Variants in AMOT observed in about 807,000 individuals in gnomAD.
AMOT encodes angiomotin.
Under a neutral mutation model 67.0 loss-of-function variants are expected in AMOT, and 11 were observed. The ratio of observed to expected loss-of-function variants is 0.16; its 90% CI spans 0.10 to 0.27. The LOEUF is 0.27. Among genes scored for constraint, AMOT ranks in the 10% least tolerant of loss-of-function variants. The probability of loss-of-function intolerance (pLI) is 1.00; values close to 1 mark genes in which losing one functional copy is unlikely to be tolerated. For synonymous variants in AMOT, 326 were observed against 321.4 expected (o/e 1.01, Z -0.15); for missense variants, 753 against 852.0 (o/e 0.88, Z 1.45).
At chrX:112,828,368 G>A (rs775785979) in intron 2 of AMOT, among the ~76,000 whole-genome samples, 50 of 102,968 alleles carry the variant, frequency 4.9e-4, no homozygotes, top group Non-Finnish European at 4.1e-4. Flanking sequence ...GCAAAATAGG[G>A]ATAATGGTGT....
At chrX:112,787,293 A>G (rs1349590035) in intron 10 of AMOT, among the ~76,000 whole-genome samples, 1 of 111,648 alleles carries the variant, frequency 9.0e-6, no homozygotes, top group East Asian at 2.8e-4. Flanking sequence ...AAACGACCCC[A>G]ATATGCATAT....
rs1043055027 is a variant in AMOT at position 112,823,075 on chromosome X, A to C, written c.52T>G (p.Leu18Val). 1 of 1,165,397 alleles carries C rather than the reference A, an allele frequency of 8.6e-7. No individual in the cohort carries two copies. Among genetic ancestry groups the C allele is most frequent in the African/African-American group, 1.8e-5 (1 of 55,535 alleles). Reference protein sequence around the residue: ...PSGGTTVLQRLLQEQLRYGNP... With the variant: ...PSGGTTVLQRVLQEQLRYGNP... Reference sequence around the variant, plus strand: ...CCATAGCGAAGCTGCTCTTGTAGCAAACGCTGCAATACCGTGGTCCCTCCA... The same window carrying C: ...CCATAGCGAAGCTGCTCTTGTAGCACACGCTGCAATACCGTGGTCCCTCCA... Residue 18 changes from leucine (L) to valine (V), a missense_variant, in exon 4 of 14, where the codon TTG becomes GTG. Around this residue, in one of 5 missense-constraint regions of AMOT, gnomAD observed 118 missense variants for 125.9 expected, o/e 0.94. Transcript: ENST00000371959.
chrX:112,831,846 C>T (rs954155532), intron 2 of AMOT, among the ~76,000 whole-genome samples: 1 of 109,189 alleles, frequency 9.2e-6, no homozygotes, highest in Non-Finnish European at 1.9e-5. Context: ...AAAAAAAGAT[C>T]ATTCAAGGGT....
chrX:112,792,785 C>T (rs903921466), intron 8 of AMOT, among the ~76,000 whole-genome samples: 4 of 111,321 alleles, frequency 3.6e-5, no homozygotes, highest in African/African-American at 1.3e-4. Flanking sequence ...ATTAATGACT[C>T]AAAAGTGAAA....
At position 112,778,461 on chromosome X, in the gene AMOT, C is replaced by A; in HGVS notation, c.*106G>T. On this transcript the variant is annotated 3_prime_UTR_variant, in exon 14 of 14. Coordinates refer to ENST00000371959, the MANE Select transcript of AMOT (RefSeq NM_001113490.2). ...AATAAAAAGTCCTGTTAAAAAACAT[C>A]CCCTCCCCACAACCCTTGTCCTCAC... is the stretch of plus-strand genomic sequence containing the variant. 1 of 696,122 alleles carries A rather than the reference C, an allele frequency of 1.4e-6. No homozygotes were observed. The highest frequency in any genetic ancestry group is 2.1e-5 in the African/African-American group (1 of 46,784). 57.4% of individuals were successfully genotyped at this position (696,122 alleles called of 1,213,427 possible). A position where few individuals can be genotyped will look rare whatever the true frequency, so the allele number is the denominator to read the frequency against.
intron 7 of AMOT, among the ~76,000 whole-genome samples, chrX:112,808,391 G>C (rs1934255102): frequency 9.0e-6 from 1 of 111,279 alleles, no homozygotes; most frequent in South Asian, 3.8e-4. Context: ...GGTTTCTCTA[G>C]GATTCCTGCA....
At chrX:112,795,238 G>GTC (rs1200497149) in intron 8 of AMOT, among the ~76,000 whole-genome samples, 299 of 93,812 alleles carry the variant, frequency 3.2e-3, no homozygotes, top group East Asian at 3.9e-3. Context: ...CTCTTTCTCT[G>GTC]TCTCTCTCTC....
intron 2 of AMOT, among the ~76,000 whole-genome samples, chrX:112,825,916 C>G (rs1311846377): frequency 9.2e-6 from 1 of 108,973 alleles, no homozygotes; most frequent in African/African-American, 3.3e-5. Flanking sequence ...GGAAAGTAGA[C>G]TGCCCTTCCC....
chrX:112,804,459 G>C (rs1294960321), intron 8 of AMOT, among the ~76,000 whole-genome samples: 1 of 111,542 alleles, frequency 9.0e-6, no homozygotes, highest in African/African-American at 3.3e-5. Context: ...ACTAAGCCTG[G>C]GTAGACAAGG....
chrX:112,805,982 A>G (rs1934167978), intron 7 of AMOT, among the ~76,000 whole-genome samples: 1 of 111,430 alleles, frequency 9.0e-6, no homozygotes, highest in African/African-American at 3.3e-5. Flanking sequence ...AAGTAATCCA[A>G]TATGGCTGGG....
At chrX:112,840,187 G>A (rs777413603) in intron 1 of AMOT, among the ~76,000 whole-genome samples, 32 of 111,126 alleles carry the variant, frequency 2.9e-4, no homozygotes, top group Middle Eastern at 9.2e-3. Flanking sequence ...AGAACCCCAG[G>A]AGGTAAAGAA....
At chrX:112,791,143 T>TCTGAGGCAGGTGGATCAC (rs1200662812) in intron 9 of AMOT, among the ~76,000 whole-genome samples, 5 of 108,802 alleles carry the variant, frequency 4.6e-5, no homozygotes, top group African/African-American at 1.3e-4. Context: ...ACTTTGGGAG[T>TCTGAGGCAGGTGGATCAC]CTGAGGCAGG....
At chrX:112,833,754 T>C (rs1935063243) in intron 1 of AMOT, among the ~76,000 whole-genome samples, 2 of 112,332 alleles carry the variant, frequency 1.8e-5, no homozygotes, top group South Asian at 7.3e-4. Flanking sequence ...GATCATTGTA[T>C]ATAAACATAG....
chrX:112,834,877 TAG>T (rs1411797138), intron 1 of AMOT, among the ~76,000 whole-genome samples: 2 of 112,696 alleles, frequency 1.8e-5, no homozygotes. Flanking sequence ...TGTAAGATGC[TAG>T]AGTCCTCTTA....
At chrX:112,778,799 G>C in intron 13 of AMOT, 135 bp from the exon 14 acceptor site, 5 of 705,340 alleles carry the variant, frequency 7.1e-6, no homozygotes, top group Non-Finnish European at 1.1e-5. Flanking sequence ...ATTTACTTCT[G>C]CTAAGATAAT....
chrX:112,785,104 G>A (rs1174995523), intron 10 of AMOT, among the ~76,000 whole-genome samples: 1 of 111,818 alleles, frequency 8.9e-6, no homozygotes, highest in Non-Finnish European at 1.9e-5. Context: ...ATTTGAACGA[G>A]CAACTTGACC....
chrX:112,785,576 T>C (rs1297949579), intron 10 of AMOT, among the ~76,000 whole-genome samples: 1 of 112,161 alleles, frequency 8.9e-6, no homozygotes. Flanking sequence ...TTGGACTTTA[T>C]TCCAATAGGC....
At chrX:112,795,450 A>G (rs1261917936) in intron 8 of AMOT, among the ~76,000 whole-genome samples, 2 of 111,368 alleles carry the variant, frequency 1.8e-5, no homozygotes, top group Non-Finnish European at 3.8e-5. Context: ...GTTTAAAAAA[A>G]TGAGGGGGGT....
At position 112,809,142 on chromosome X, in the gene AMOT, T is replaced by C. The variant is rs932648984; in HGVS notation, c.1630+752A>G. On this transcript the variant is annotated intron_variant, in intron 7 of 13. Transcript: ENST00000371959. ...GGGTAGAGGAAACTAGCTACCGGCATCTGCAGAAATGAGAGCAGTTCATGT... is the reference window on the plus strand; with the variant it reads ...GGGTAGAGGAAACTAGCTACCGGCACCTGCAGAAATGAGAGCAGTTCATGT... 9.9e-5 allele frequency among the ~76,000 whole-genome samples: 11 copies of C among 111,389 alleles called. No individual in the cohort carries two copies. In the Admixed American group the frequency reaches 1.1e-3, roughly 11 times the overall value.
Sources: gnomAD v4.1 joint callset for allele counts (sites outside exome capture counted in the v4.1 genomes callset) on GRCh38, gnomAD v4.1.1 for gene constraint, gnomAD v4.1.1 regional missense constraint, MANE v1.5 for transcripts, NCBI Gene and HGNC (gene_info 2026-07-23, HGNC 2026-07-21) for gene names.